Variants in APBA1 observed in about 807,000 individuals in gnomAD.
APBA1 encodes amyloid beta precursor protein binding family A member 1.
A neutral mutation model predicts 86.6 loss-of-function variants in APBA1; 55 were observed. The observed-to-expected ratio is 0.64, with a 90% CI of 0.51 to 0.80. APBA1 has a LOEUF of 0.80. APBA1 is among the 30% of genes least tolerant of loss of function. The pLI, the probability that APBA1 is intolerant of heterozygous loss-of-function variation, is 0.00. For synonymous variants in APBA1, 511 were observed against 493.9 expected (o/e 1.03, Z -0.46); for missense variants, 1,090 against 1,183.0 (o/e 0.92, Z 1.15).
intron 10 of APBA1, among the ~76,000 whole-genome samples, chr9:69,443,529 G>A (rs1332429277): frequency 2.0e-5 from 3 of 152,100 alleles, no homozygotes; most frequent in Non-Finnish European, 4.4e-5. Context: ...TGTCATGCAG[G>A]AACACCCCTA....
chr9:69,505,084 A>AC (rs926410723), intron 2 of APBA1, among the ~76,000 whole-genome samples: 55 of 152,188 alleles, frequency 3.6e-4, no homozygotes, highest in African/African-American at 1.3e-3. Flanking sequence ...TCAGTGTGTT[A>AC]GTCAGGATGG....
chr9:69,473,662 T>A (rs1020172641), intron 3 of APBA1, among the ~76,000 whole-genome samples: 55 of 152,046 alleles, frequency 3.6e-4, no homozygotes, highest in African/African-American at 1.2e-3. Flanking sequence ...GTTGTGCACA[T>A]GTACCCTAAA....
intron 1 of APBA1, among the ~76,000 whole-genome samples, chr9:69,636,878 A>AAGGAAG (rs1823179976): frequency 2.6e-5 from 2 of 78,204 alleles, no homozygotes; most frequent in Non-Finnish European, 2.9e-5. Flanking sequence ...AGAGAAAGAA[A>AAGGAAG]GAAGGAAGGA....
At position 69,516,228 on chromosome 9, in the gene APBA1, G is replaced by A. The variant is rs757323730; in HGVS notation, c.983C>T (p.Pro328Leu). 1 of 1,478,934 alleles carries A rather than the reference G, an allele frequency of 6.8e-7. No individual in the cohort carries two copies. The highest frequency in any genetic ancestry group is 1.3e-5 in the South Asian group (1 of 74,340). The allele number at this position is 1,478,934 out of a possible 1,614,324, so 91.6% of individuals were successfully genotyped here. ...CTGCCCCGCCTCGCCGCCGCCCGCG[G>A]GGCCCACCGCCCGCTGCTGCCCCGC... ...APAGQQRAVG[P>L]AGGGEAGQRY... Residue 328 changes from proline to leucine, a missense_variant, in exon 2 of 13, where the codon CCC (proline) becomes CTC (leucine). By Grantham distance (98) the Pro-to-Leu change is moderately conservative (BLOSUM62 -3). This residue lies in a region of APBA1 where 678 missense variants were observed against 647.1 expected (regional missense o/e 1.05). Coordinates refer to ENST00000265381, the MANE Select transcript of APBA1 (RefSeq NM_001163.4). This position sits in a 1 kb window ranked among gnomAD's most constrained non-coding sequence, Gnocchi z 7.3.
intron 1 of APBA1, among the ~76,000 whole-genome samples, chr9:69,595,441 C>T (rs1260093499): frequency 6.6e-6 from 1 of 152,082 alleles, no homozygotes; most frequent in Non-Finnish European, 1.5e-5. Flanking sequence ...TTGTCTGGTG[C>T]CCCCTGCTCT....
chr9:69,459,086 G>C (rs538423545), intron 5 of APBA1, among the ~76,000 whole-genome samples: 1 of 152,164 alleles, frequency 6.6e-6, no homozygotes. Flanking sequence ...TTACAGGCGC[G>C]AGCCACCGCG....
intron 1 of APBA1, among the ~76,000 whole-genome samples, chr9:69,595,383 T>C (rs912748920): frequency 6.6e-6 from 1 of 152,222 alleles, no homozygotes; most frequent in Non-Finnish European, 1.5e-5. Flanking sequence ...TGTGCCTTCC[T>C]GCTTATTAAT....
chr9:69,460,812 C>G (rs1476806586), intron 5 of APBA1: 5 of 152,102 alleles, frequency 3.3e-5, no homozygotes, highest in Non-Finnish European at 4.4e-5. Flanking sequence ...TTACTGCAAC[C>G]TCCGCCTCCC....
chr9:69,475,936 A>T, intron 3 of APBA1, 112 bp downstream of exon 3: 1 of 831,708 alleles, frequency 1.2e-6, no homozygotes, highest in Non-Finnish European at 2.0e-6. Flanking sequence ...GATTGTTCTC[A>T]CCAGGGTAAT....
intron 1 of APBA1, among the ~76,000 whole-genome samples, chr9:69,587,824 C>T (rs549977809): frequency 1.8e-4 from 27 of 151,902 alleles, no homozygotes; most frequent in South Asian, 1.7e-3. Flanking sequence ...CAGAAGTTTG[C>T]GACCAGTTTG....
At position 69,432,674 on chromosome 9, in the gene APBA1, G is replaced by A; in HGVS notation, c.2304C>T (p.Ile768=). Residue 768 remains isoleucine (I), a splice_region_variant and synonymous_variant, in exon 12 of 13, where the codon ATC becomes ATT. Transcript: ENST00000265381. The part of the protein sequence containing the change: ...QLGFSVQNGI[I]CSLMRGGIAE... ...CTATTCCCCCTCGCATGAGGCTGCA[G>A]ATCTGCCAGAGTCAAAGGCAGAGTT... 1 of 1,579,402 alleles carries A rather than the reference G, an allele frequency of 6.3e-7. No homozygotes were observed. Among genetic ancestry groups the A allele is most frequent in the East Asian group, 2.3e-5 (1 of 42,842 alleles).
At chr9:69,655,095 G>A (rs1410114267) in intron 1 of APBA1, among the ~76,000 whole-genome samples, 1 of 152,146 alleles carries the variant, frequency 6.6e-6, no homozygotes, top group Non-Finnish European at 1.5e-5. Context: ...CAAACCCACA[G>A]CTAACATCAT....
At chr9:69,527,010 A>C (rs1286576151) in intron 1 of APBA1, among the ~76,000 whole-genome samples, 1 of 152,126 alleles carries the variant, frequency 6.6e-6, no homozygotes, top group Non-Finnish European at 1.5e-5. Flanking sequence ...TCTCACTTAC[A>C]AGTGGGAGCT....
chr9:69,634,852 T>C (rs1823124362), intron 1 of APBA1, among the ~76,000 whole-genome samples: 1 of 152,150 alleles, frequency 6.6e-6, no homozygotes, highest in African/African-American at 2.4e-5. Flanking sequence ...AAAAAAATTA[T>C]TCTAGAATAG....
chr9:69,431,866 C>G (rs1188794238), intron 12 of APBA1, among the ~76,000 whole-genome samples: 1 of 152,068 alleles, frequency 6.6e-6, no homozygotes, highest in Non-Finnish European at 1.5e-5. Flanking sequence ...TGTTGACTGA[C>G]AGCAGTGATA....
rs1056359208 is a variant in APBA1 at position 69,523,479 on chromosome 9, A to G, written c.-69-6200T>C. On this transcript the variant is annotated intron_variant, in intron 1 of 12. Transcript: ENST00000265381. ...CATGTATGTGTATATATATATATGT[A>G]TATATATATATATATATGTATATAT... Among the ~76,000 whole-genome samples, 466 of 80,480 alleles carry G rather than the reference A, an allele frequency of 5.8e-3. 3 individuals are homozygous for G. Among genetic ancestry groups the G allele is most frequent in the African/African-American group, 0.024 (427 of 17,464 alleles). 52.8% of individuals were successfully genotyped at this position (80,480 alleles called of 152,430 possible).
At chr9:69,434,464 T>G (rs1294485317) in intron 11 of APBA1, among the ~76,000 whole-genome samples, 1 of 151,622 alleles carries the variant, frequency 6.6e-6, no homozygotes, top group Non-Finnish European at 1.5e-5. Flanking sequence ...ATACCAGCAC[T>G]TTGGGAGGCA....
chr9:69,636,828 A>AGGGAGGGAGGGAGG (rs1452460180), intron 1 of APBA1, among the ~76,000 whole-genome samples: 1 of 7,132 alleles, frequency 1.4e-4, no homozygotes, highest in Non-Finnish European at 3.4e-4. Context: ...AGAGAGAGAG[A>AGGGAGGGAGGGAGG]GAGGGAGGGA....
chr9:69,667,993 C>G (rs997396479), intron 1 of APBA1, among the ~76,000 whole-genome samples: 8 of 152,184 alleles, frequency 5.3e-5, no homozygotes, highest in Non-Finnish European at 1.2e-4. Flanking sequence ...TTCCATGACA[C>G]TGTACCACTT....
Sources: allele counts gnomAD v4.1 joint callset (sites outside exome capture counted in the v4.1 genomes callset), GRCh38; gene constraint gnomAD v4.1.1; regional missense constraint gnomAD v4.1.1; non-coding constraint Gnocchi (gnomAD v3.1); transcripts MANE v1.5; gene names NCBI Gene and HGNC (gene_info 2026-07-23, HGNC 2026-07-21).